The following DMAC2L variants were observed in gnomAD, a reference collection of about 807,000 sequenced individuals.
DMAC2L encodes distal membrane arm assembly component 2 like.
In DMAC2L, 21 loss-of-function variants were observed where a neutral mutation model predicts 22.5. The ratio of observed to expected loss-of-function variants is 0.93; its 90% CI spans 0.66 to 1.34. The LOEUF (loss-of-function observed/expected upper bound fraction) is 1.34. DMAC2L is among the 40% of genes most tolerant of loss of function. DMAC2L has a pLI of 0.00. For missense variants in DMAC2L, 239 were observed against 246.5 expected (o/e 0.97, Z 0.20); for synonymous variants, 86 against 89.5 (o/e 0.96, Z 0.22).
upstream of DMAC2L, chr14:50,311,988 G>T: frequency 6.4e-7 from 1 of 1,550,574 alleles, no homozygotes; most frequent in South Asian, 1.2e-5. Flanking sequence ...CGCAGGCGGC[G>T]GGGAGGACCA....
At chr14:50,312,932 G>T in intron 1 of DMAC2L, 1 of 1,479,336 alleles carries the variant, frequency 6.8e-7, no homozygotes, top group South Asian at 1.1e-5. Context: ...CCCGGCACTG[G>T]GTACCGGAAG....
At chr14:50,312,189 G>T, upstream of DMAC2L, 1 of 1,605,744 alleles carries the variant, frequency 6.2e-7, no homozygotes. Flanking sequence ...CTCAGAAGAA[G>T]CCACTTGACC....
chr14:50,316,239 A>G (rs2031790788), intron 2 of DMAC2L, among the ~76,000 whole-genome samples: 1 of 151,852 alleles, frequency 6.6e-6, no homozygotes, highest in African/African-American at 2.4e-5. Flanking sequence ...TCCTTAGCCC[A>G]CTTTTTGATG....
In DMAC2L at chr14:50,327,221, A is replaced by G. The variant is rs1176802859; in HGVS notation, c.*1498A>G. 6.6e-6 allele frequency: 1 copy of G among 151,616 alleles called. No homozygotes were observed. The highest frequency in any genetic ancestry group is 1.5e-5 in the Non-Finnish European group (1 of 67,970). The allele number at this position is 151,616 out of a possible 1,614,324, so 9.4% of individuals were successfully genotyped here. Reference sequence around the variant, plus strand: ...GTAGTGGCACATGCCTGTAGTCCCAACTACTCAGGAGTCTGAGGTAGGAGG... The same window carrying G: ...GTAGTGGCACATGCCTGTAGTCCCAGCTACTCAGGAGTCTGAGGTAGGAGG... On this transcript the variant is annotated 3_prime_UTR_variant, in exon 6 of 6. Transcript: ENST00000557421.
At position 50,318,960 on chromosome 14, in the gene DMAC2L, G is replaced by T. The variant is rs2032043401; in HGVS notation, c.-5-2523G>T. 3 of 926,938 alleles carry T rather than the reference G, an allele frequency of 3.2e-6. No homozygotes were observed. In the South Asian group the frequency reaches 1.5e-4, roughly 46 times the overall value. The allele number at this position is 926,938 out of a possible 1,614,324, so 57.4% of individuals were successfully genotyped here. A position where few individuals can be genotyped will look rare whatever the true frequency, so the allele number is the denominator to read the frequency against. ...CTTTGTTCTTGTTTTTGTTTGTTTTGTCTTACCATTGTTGCCTTTGCACTA... is the reference window on the plus strand; with the variant it reads ...CTTTGTTCTTGTTTTTGTTTGTTTTTTCTTACCATTGTTGCCTTTGCACTA... On this transcript the variant is annotated intron_variant, in intron 2 of 5. Transcript: ENST00000557421.
At chr14:50,325,475 C>T in intron 5 of DMAC2L, 134 bp from the exon 6 acceptor site, 1 of 1,049,646 alleles carries the variant, frequency 9.5e-7, no homozygotes, top group Non-Finnish European at 1.3e-6. Context: ...AAGGCTACTG[C>T]TCTAAAAGTA....
chr14:50,316,824 ATGT>A (rs2031843888), intron 2 of DMAC2L, among the ~76,000 whole-genome samples: 1 of 152,096 alleles, frequency 6.6e-6, no homozygotes, highest in Non-Finnish European at 1.5e-5. Context: ...AAATCAGGTA[ATGT>A]TGTGCCTCCA....
chr14:50,318,732 T>A (rs1348644255), intron 2 of DMAC2L, among the ~76,000 whole-genome samples: 2 of 152,246 alleles, frequency 1.3e-5, no homozygotes, highest in South Asian at 2.1e-4. Context: ...TGAAAACTCT[T>A]AATCATTAAG....
At chr14:50,324,842 C>G (rs1376194571) in intron 5 of DMAC2L, 2 of 152,398 alleles carry the variant, frequency 1.3e-5, no homozygotes, top group East Asian at 1.9e-4. Context: ...GTGGCATGAT[C>G]TTGGCTCACT....
intron 2 of DMAC2L, among the ~76,000 whole-genome samples, chr14:50,317,051 A>T (rs1167257425): frequency 6.6e-6 from 1 of 152,130 alleles, no homozygotes; most frequent in Non-Finnish European, 1.5e-5. Flanking sequence ...TGTTGACTCT[A>T]TCCATCCATG....
At chr14:50,311,989 G>C, upstream of DMAC2L, 4 of 1,551,152 alleles carry the variant, frequency 2.6e-6, no homozygotes, top group South Asian at 3.5e-5. Context: ...GCAGGCGGCG[G>C]GGAGGACCAG....
chr14:50,320,275 A>ATTTTTTAT (rs148366485), intron 2 of DMAC2L, among the ~76,000 whole-genome samples: 2 of 150,904 alleles, frequency 1.3e-5, no homozygotes, highest in African/African-American at 2.4e-5. Flanking sequence ...TTATTTTTTT[A>ATTTTTTAT]TTTTTTGGTA....
chr14:50,315,421 T>C (rs2031693582), intron 2 of DMAC2L, among the ~76,000 whole-genome samples: 1 of 150,864 alleles, frequency 6.6e-6, no homozygotes. Context: ...CCCAGCACTT[T>C]GGGAGGCCAA....
chr14:50,319,091 T>TG, intron 2 of DMAC2L: 1 of 1,458,188 alleles, frequency 6.9e-7, no homozygotes, highest in Non-Finnish European at 9.0e-7. Flanking sequence ...TTGATGGTGA[T>TG]GGGGGAGGGA....
intron 3 of DMAC2L, 117 bp from the exon 4 acceptor site, chr14:50,322,394 C>A: frequency 3.5e-6 from 4 of 1,132,656 alleles, no homozygotes; most frequent in Non-Finnish European, 4.8e-6. Context: ...ATTTATCTTC[C>A]TCGTCAGTCA....
At chr14:50,324,889 C>T (rs937767893) in intron 5 of DMAC2L, among the ~76,000 whole-genome samples, 8 of 152,166 alleles carry the variant, frequency 5.3e-5, no homozygotes, top group Non-Finnish European at 8.8e-5. Flanking sequence ...GATTCTCCTG[C>T]CTCAGCCTCC....
chr14:50,314,194 G>T (rs2031556489), intron 1 of DMAC2L, among the ~76,000 whole-genome samples: 2 of 152,190 alleles, frequency 1.3e-5, no homozygotes, highest in Admixed American at 1.3e-4. Flanking sequence ...CAGGTGGGAG[G>T]TGATTGAATT....
chr14:50,319,496 G>A (rs2032091695), intron 2 of DMAC2L, among the ~76,000 whole-genome samples: 1 of 152,164 alleles, frequency 6.6e-6, no homozygotes, highest in Non-Finnish European at 1.5e-5. Flanking sequence ...TTTCAACACT[G>A]CCACCAATTA....
rs2032503874 is a variant in DMAC2L, at chr14:50,323,984, G to C, written c.356G>C (p.Cys119Ser). The change falls in exon 5 of 6, where the codon TGT becomes TCT. Residue 119 changes from cysteine (C) to serine (S), a missense_variant. By Grantham distance (112) the Cys-to-Ser change is moderately radical. Transcript: ENST00000557421. ...EHVEKIRLCK[C>S]HYIEDDCLLR... Reference sequence around the variant, plus strand: ...GTTGAAAAAATAAGGCTGTGCAAGTGTCATTATATCGAGGATGACTGTTTG... The same window carrying C: ...GTTGAAAAAATAAGGCTGTGCAAGTCTCATTATATCGAGGATGACTGTTTG... The C allele has an allele frequency of 6.2e-7, 1 of 1,613,558 alleles. No individual in the cohort carries two copies. The highest frequency in any genetic ancestry group is 1.3e-5 in the African/African-American group (1 of 74,878).
Sources: allele counts gnomAD v4.1 joint callset (sites outside exome capture counted in the v4.1 genomes callset), GRCh38; gene constraint gnomAD v4.1.1; transcripts MANE v1.5; gene names NCBI Gene and HGNC (gene_info 2026-07-23, HGNC 2026-07-21).